STAT5B: variants seen among roughly 807,000 people sequenced by gnomAD.
STAT5B encodes transcription factor STAT5B.
STAT5B carries 21 observed loss-of-function variants against 107.8 expected under a neutral mutation model. The ratio of observed to expected loss-of-function variants is 0.19; its 90% CI spans 0.14 to 0.28. The LOEUF is 0.28. Ranked by LOEUF, STAT5B falls within the 10% of genes least tolerant of loss-of-function variation. The pLI is 1.00. For missense variants in STAT5B, 565 were observed against 1,008.2 expected, an observed-to-expected ratio of 0.56 and a Z score of 5.95; for synonymous variants, 325 against 401.7, an observed-to-expected ratio of 0.81 and a Z score of 2.28.
chr17:42,225,404 G>A (rs1025610599), intron 3 of STAT5B, among the ~76,000 whole-genome samples: 1 of 152,108 alleles, frequency 6.6e-6, no homozygotes, highest in Non-Finnish European at 1.5e-5. Flanking sequence ...TAAAAGCCTC[G>A]CAAGAGGAGA....
chr17:42,210,971 T>C (rs1331603110), intron 13 of STAT5B, among the ~76,000 whole-genome samples: 2 of 151,680 alleles, frequency 1.3e-5, no homozygotes, highest in Non-Finnish European at 2.9e-5. Context: ...GAGGCTGAGG[T>C]AGGCAGATCA....
chr17:42,253,313 A>T (rs968492517), intron 1 of STAT5B, among the ~76,000 whole-genome samples: 1 of 152,184 alleles, frequency 6.6e-6, no homozygotes, highest in African/African-American at 2.4e-5. Context: ...GATGTCCCCT[A>T]TCTCTGCCAA....
At chr17:42,272,501 GTTCT>G (rs2080729411) in intron 1 of STAT5B, 1 of 152,160 alleles carries the variant, frequency 6.6e-6, no homozygotes, top group Non-Finnish European at 1.5e-5. Context: ...TTTTGTTGCT[GTTCT>G]AAGACTCCTT....
Position 42,201,257 on chromosome 17 carries a change from C to A in STAT5B, c.*481G>T, listed in dbSNP as rs2080041300. On this transcript the variant is annotated 3_prime_UTR_variant, in exon 19 of 19. Coordinates refer to ENST00000293328, the MANE Select transcript of STAT5B (RefSeq NM_012448.4). ...ATTTCAGAAGAAAAGCAGAGACAAT[C>A]ACGGTTATATATCAATTGCTTGGCA... The A allele has an allele frequency of 2.3e-6, 1 of 436,200 alleles. No homozygotes were observed. The highest frequency in any genetic ancestry group is 4.0e-6 in the Non-Finnish European group (1 of 247,536). The allele number at this position is 436,200 out of a possible 1,614,324, so 27.0% of individuals were successfully genotyped here.
At chr17:42,210,672 A>T (rs2080120961) in intron 13 of STAT5B, 175 bp from the exon 14 acceptor site, 2 of 661,680 alleles carry the variant, frequency 3.0e-6, no homozygotes, top group Admixed American at 2.2e-5. Flanking sequence ...GAAAAGAGGG[A>T]AGAAGGGGAA....
chr17:42,260,478 G>A (rs528422755), intron 1 of STAT5B, among the ~76,000 whole-genome samples: 1 of 151,598 alleles, frequency 6.6e-6, no homozygotes, highest in African/African-American at 2.4e-5. Flanking sequence ...GCACGAACAC[G>A]ACTCACTGCA....
Position 42,201,189 on chromosome 17 carries a change from G to C in STAT5B, c.*549C>G, listed in dbSNP as rs535021090. Reference sequence around the variant, plus strand: ...CATTCCTACCCAAGAACACAGGGGTGGGGGAGAGGGAAGGCTCTCTTTGTC... The same window carrying C: ...CATTCCTACCCAAGAACACAGGGGTCGGGGAGAGGGAAGGCTCTCTTTGTC... On this transcript the variant is annotated 3_prime_UTR_variant, in exon 19 of 19. Transcript: ENST00000293328. 3 of 414,888 alleles carry C rather than the reference G, an allele frequency of 7.2e-6. No homozygotes were observed. Among genetic ancestry groups the C allele is most frequent in the Non-Finnish European group, 1.3e-5 (3 of 235,440 alleles). 25.7% of individuals were successfully genotyped at this position (414,888 alleles called of 1,614,324 possible).
chr17:42,236,680 GC>G (rs1265935715), intron 1 of STAT5B, among the ~76,000 whole-genome samples: 1 of 152,282 alleles, frequency 6.6e-6, no homozygotes, highest in African/African-American at 2.4e-5. Flanking sequence ...CAGGTGACCT[GC>G]CCGCCTCGGC....
At chr17:42,225,825 T>C (rs186578852) in intron 3 of STAT5B, among the ~76,000 whole-genome samples, 1 of 152,336 alleles carries the variant, frequency 6.6e-6, no homozygotes, top group East Asian at 1.9e-4. Context: ...CAGCCAACTA[T>C]ATTTAGAAGT....
At chr17:42,210,607 G>T in intron 13 of STAT5B, 110 bp from the exon 14 acceptor site, 2 of 1,027,420 alleles carry the variant, frequency 1.9e-6, no homozygotes, top group Non-Finnish European at 1.5e-6. Flanking sequence ...ACCCTTGTCA[G>T]AGGCATACAA....
upstream of STAT5B, among the ~76,000 whole-genome samples, chr17:42,278,193 G>A (rs1567682678): frequency 6.6e-6 from 1 of 152,066 alleles, no homozygotes; most frequent in Non-Finnish European, 1.5e-5. Flanking sequence ...TTCCCACCGC[G>A]TTATTCATGC....
At chr17:42,252,823 A>G (rs1454000243) in intron 1 of STAT5B, among the ~76,000 whole-genome samples, 1 of 152,254 alleles carries the variant, frequency 6.6e-6, no homozygotes, top group Non-Finnish European at 1.5e-5. Flanking sequence ...GAGAAGAATT[A>G]CATGAAATAT....
At chr17:42,282,609 G>A in the STAT5B span, among the ~76,000 whole-genome samples, 1 of 152,188 alleles carries the variant, frequency 6.6e-6, no homozygotes, top group African/African-American at 2.4e-5. Flanking sequence ...CAAAGTGCTA[G>A]GATTACAGGC....
chr17:42,286,350 G>A, the STAT5B span, among the ~76,000 whole-genome samples: 2 of 152,100 alleles, frequency 1.3e-5, no homozygotes, highest in Admixed American at 6.6e-5. Flanking sequence ...CACAGCCACT[G>A]GGCACAGGGT....
chr17:42,286,094 G>T, the STAT5B span, among the ~76,000 whole-genome samples: 1 of 152,040 alleles, frequency 6.6e-6, no homozygotes, highest in African/African-American at 2.4e-5. Flanking sequence ...TTAGCCAGGA[G>T]TGGTGGCACA....
chr17:42,272,582 T>C (rs2080730225), intron 1 of STAT5B: 1 of 152,194 alleles, frequency 6.6e-6, no homozygotes, highest in African/African-American at 2.4e-5. Context: ...CGATTGGGTA[T>C]TCAGGCTTCA....
At chr17:42,268,297 A>G (rs1479337088) in intron 1 of STAT5B, among the ~76,000 whole-genome samples, 3 of 152,194 alleles carry the variant, frequency 2.0e-5, no homozygotes, top group African/African-American at 7.2e-5. Context: ...CTTGTGTTAC[A>G]ATTGTCTACA....
chr17:42,288,283 G>GA, the STAT5B span: 1 of 152,126 alleles, frequency 6.6e-6, no homozygotes, highest in African/African-American at 2.4e-5. The surrounding 1 kb of genome is among the most constrained non-coding windows in gnomAD (Gnocchi z 4.8). Context: ...ACTCCCGGGG[G>GA]ACCCCGCCGT....
chr17:42,264,422 T>G (rs957728494), intron 1 of STAT5B, among the ~76,000 whole-genome samples: 1 of 145,138 alleles, frequency 6.9e-6, no homozygotes, highest in Non-Finnish European at 1.5e-5. Flanking sequence ...GTGTTCCCAT[T>G]ATTCAATTCC....
Sources: allele counts gnomAD v4.1 joint callset (sites outside exome capture counted in the v4.1 genomes callset), GRCh38; gene constraint gnomAD v4.1.1; non-coding constraint Gnocchi (gnomAD v3.1); transcripts MANE v1.5; gene names NCBI Gene and HGNC (gene_info 2026-07-23, HGNC 2026-07-21).